DNM3: variants seen among roughly 807,000 people sequenced by gnomAD.
DNM3 encodes the protein dynamin 3.
Under a neutral mutation model 101.6 loss-of-function variants are expected in DNM3, and 47 were observed. That is an observed-to-expected ratio of 0.46 (90% CI 0.37 to 0.59). The LOEUF (loss-of-function observed/expected upper bound fraction) is 0.59. Among genes scored for constraint, DNM3 ranks in the 20% least tolerant of loss-of-function variants. DNM3 has a pLI of 0.00. For synonymous variants in DNM3, 385 were observed against 387.9 expected (o/e 0.99, Z 0.09); for missense variants, 849 against 1,085.7 (o/e 0.78, Z 3.06).
rs2045463174 is a variant in DNM3, at chr1:171,989,010, G to C, written c.451G>C (p.Asp151His). ...AGTGCCTGTGGGAGATCAGCCACCAGATATCGAGTATCAGATCAGAGAAAT... is the reference window on the plus strand; with the variant it reads ...AGTGCCTGTGGGAGATCAGCCACCACATATCGAGTATCAGATCAGAGAAAT... ...TKVPVGDQPP[D>H]IEYQIREMIM... Residue 151 changes from aspartate (D) to histidine (H), a missense_variant, in exon 4 of 21, where the codon GAT becomes CAT. Asp to His is a moderately conservative substitution (Grantham distance 81). Transcript: ENST00000627582. 3 of 1,609,162 alleles carry C rather than the reference G, an allele frequency of 1.9e-6. No homozygotes were observed. Among genetic ancestry groups the C allele is most frequent in the Non-Finnish European group, 2.5e-6 (3 of 1,177,532 alleles).
intron 1 of DNM3, among the ~76,000 whole-genome samples, chr1:171,906,099 A>G (rs1225306181): frequency 6.6e-6 from 1 of 151,856 alleles, no homozygotes; most frequent in East Asian, 1.9e-4. Context: ...AAGTATTAGT[A>G]AGATATTTCT....
intron 1 of DNM3, among the ~76,000 whole-genome samples, chr1:171,863,473 A>G (rs541736672): frequency 1.3e-5 from 2 of 152,338 alleles, no homozygotes; most frequent in East Asian, 3.9e-4. Context: ...ATGTGAGCTT[A>G]GTAGAGAAAT....
intron 14 of DNM3, among the ~76,000 whole-genome samples, chr1:172,159,071 A>G (rs1230760418): frequency 6.6e-6 from 1 of 152,068 alleles, no homozygotes; most frequent in Non-Finnish European, 1.5e-5. Flanking sequence ...CAGTGAGTCA[A>G]GTCATCTAAA....
intron 15 of DNM3, among the ~76,000 whole-genome samples, chr1:172,283,780 A>AAAAAAAAGAAAGAAAG (rs1553221113): frequency 8.4e-6 from 1 of 119,090 alleles, no homozygotes; most frequent in Non-Finnish European, 1.7e-5. Context: ...AAAAAAAAAA[A>AAAAAAAAGAAAGAAAG]AAAGAAAGAA....
intron 1 of DNM3, among the ~76,000 whole-genome samples, chr1:171,845,143 C>G (rs573772798): frequency 7.9e-5 from 12 of 152,240 alleles, no homozygotes; most frequent in African/African-American, 2.6e-4. Flanking sequence ...ATGACCATAA[C>G]CCATGCTCTA....
In DNM3 at chr1:172,344,841, C is replaced by A. The variant is rs896596967; in HGVS notation, c.1893+21501C>A. ...TGATTTGAATTTTGAAGAAAAATAG[C>A]CATCAGAATTCTATATTCCATTACC... On this transcript the variant is annotated intron_variant, in intron 17 of 20. Coordinates refer to ENST00000627582, the MANE Select transcript of DNM3 (RefSeq NM_015569.5). Among the ~76,000 whole-genome samples, 6 of 152,120 alleles carry A rather than the reference C, an allele frequency of 3.9e-5. No individual in the cohort carries two copies. In the East Asian group the frequency reaches 1.2e-3, roughly 29 times the overall value.
chr1:172,219,971 CT>C (rs963532759), intron 14 of DNM3, among the ~76,000 whole-genome samples: 3 of 152,110 alleles, frequency 2.0e-5, no homozygotes, highest in African/African-American at 7.2e-5. Context: ...TTAAAGTCAG[CT>C]TTTTCTAGAT....
downstream of DNM3, among the ~76,000 whole-genome samples, chr1:172,414,164 T>G (rs1333100881): frequency 1.3e-5 from 2 of 152,220 alleles, no homozygotes; most frequent in East Asian, 3.8e-4. Context: ...TAGTATTTGG[T>G]TTAGAGTGAC....
intron 14 of DNM3, among the ~76,000 whole-genome samples, chr1:172,239,480 G>A (rs2289635): frequency 0.17 from 25,098 of 152,054 alleles, 2,423 homozygotes; most frequent in East Asian, 0.24. Flanking sequence ...CTCCATACAG[G>A]GAGAAGAGAA....
chr1:172,133,086 C>T, intron 14 of DNM3: 3 of 1,440,060 alleles, frequency 2.1e-6, no homozygotes, highest in Non-Finnish European at 2.7e-6. Flanking sequence ...GAATTCCAGG[C>T]ATCTCAGCAT....
chr1:172,162,039 C>CT (rs1299462918), intron 14 of DNM3, among the ~76,000 whole-genome samples: 2 of 152,014 alleles, frequency 1.3e-5, no homozygotes, highest in South Asian at 2.1e-4. Context: ...AGAGCTTTGT[C>CT]TGACATTTGG....
rs192048615 is a variant in DNM3 at position 172,367,358 on chromosome 1, G to A, written c.1894-11660G>A. On this transcript the variant is annotated intron_variant, in intron 17 of 20. Coordinates refer to ENST00000627582, the MANE Select transcript of DNM3 (RefSeq NM_015569.5). ...CAGCATTACAAAAATTATTAAAGAA[G>A]TCCTACACATGGAAGCAAAAGGATG... Among the ~76,000 whole-genome samples, 37 of 151,928 alleles carry A rather than the reference G, an allele frequency of 2.4e-4. 1 individual carries two copies. The highest frequency in any genetic ancestry group is 2.3e-3 in the Admixed American group (35 of 15,232).
intron 15 of DNM3, among the ~76,000 whole-genome samples, chr1:172,281,044 A>C (rs1276843633): frequency 6.6e-6 from 1 of 151,874 alleles, no homozygotes; most frequent in Non-Finnish European, 1.5e-5. Flanking sequence ...ACTGGAAGTT[A>C]TGAAAAACTA....
At chr1:172,040,666 A>G (rs2049311449) in intron 7 of DNM3, among the ~76,000 whole-genome samples, 1 of 152,136 alleles carries the variant, frequency 6.6e-6, no homozygotes, top group African/African-American at 2.4e-5. Context: ...ACTGTGCCAA[A>G]TGCTCTGCAG....
At chr1:171,969,170 C>T (rs2043808991) in intron 2 of DNM3, among the ~76,000 whole-genome samples, 1 of 151,732 alleles carries the variant, frequency 6.6e-6, no homozygotes, top group Non-Finnish European at 1.5e-5. Flanking sequence ...GCTGACACTC[C>T]TATAAAAAAA....
intron 1 of DNM3, among the ~76,000 whole-genome samples, chr1:171,858,429 C>T (rs1490552568): frequency 6.6e-6 from 1 of 152,040 alleles, no homozygotes; most frequent in African/African-American, 2.4e-5. Flanking sequence ...ACTTAGCTTT[C>T]CTACCCGATA....
At chr1:172,415,953 T>C (rs1464733481), downstream of DNM3, among the ~76,000 whole-genome samples, 1 of 152,100 alleles carries the variant, frequency 6.6e-6, no homozygotes, top group Non-Finnish European at 1.5e-5. Context: ...AGAATGAGGG[T>C]AATTCATCAT....
intron 20 of DNM3, among the ~76,000 whole-genome samples, chr1:172,398,736 G>A (rs1284843841): frequency 6.6e-6 from 1 of 152,192 alleles, no homozygotes; most frequent in Non-Finnish European, 1.5e-5. Flanking sequence ...GATGATGGTA[G>A]TTTTTGTAAG....
chr1:172,219,947 A>T (rs949806063), intron 14 of DNM3, among the ~76,000 whole-genome samples: 4 of 152,184 alleles, frequency 2.6e-5, no homozygotes, highest in Admixed American at 2.6e-4. Context: ...GGAATTTTTT[A>T]AAAGAAATTC....
Sources: gnomAD v4.1 joint callset for allele counts (sites outside exome capture counted in the v4.1 genomes callset) on GRCh38, gnomAD v4.1.1 for gene constraint, MANE v1.5 for transcripts, NCBI Gene and HGNC (gene_info 2026-07-23, HGNC 2026-07-21) for gene names.